Variants in HIVEP3 observed in about 807,000 individuals in gnomAD.
HIVEP3 encodes the protein transcription factor HIVEP3.
A neutral mutation model predicts 152.8 loss-of-function variants in HIVEP3; 49 were observed. The observed-to-expected ratio is 0.32, with a 90% CI of 0.26 to 0.41. The LOEUF (loss-of-function observed/expected upper bound fraction) is 0.41. Ranked by LOEUF, HIVEP3 falls within the 10% of genes least tolerant of loss-of-function variation. The probability of loss-of-function intolerance (pLI) is 1.00; values close to 1 mark genes in which losing one functional copy is unlikely to be tolerated. For missense variants in HIVEP3, 2,790 were observed against 3,103.3 expected, an observed-to-expected ratio of 0.90 and a Z score of 2.40; for synonymous variants, 1,269 against 1,289.0, an observed-to-expected ratio of 0.98 and a Z score of 0.33.
intron 1 of HIVEP3, among the ~76,000 whole-genome samples, chr1:41,850,713 A>G (rs557195322): frequency 6.6e-6 from 1 of 152,332 alleles, no homozygotes; most frequent in Middle Eastern, 3.4e-3. Context: ...TCCAAGTTCA[A>G]CTGTGAGTCC....
chr1:41,561,058 ACTCT>A (rs1417262982), intron 5 of HIVEP3, among the ~76,000 whole-genome samples: 1 of 151,866 alleles, frequency 6.6e-6, no homozygotes, highest in Non-Finnish European at 1.5e-5. Context: ...TTTTCGGTAG[ACTCT>A]CTCTGAGCAG....
chr1:41,519,053 C>T (rs1186745406), intron 6 of HIVEP3, among the ~76,000 whole-genome samples: 2 of 152,028 alleles, frequency 1.3e-5, no homozygotes, highest in Admixed American at 6.5e-5. Context: ...TTAGGCATGG[C>T]GAGAGGGCAG....
intron 1 of HIVEP3, among the ~76,000 whole-genome samples, chr1:41,812,321 C>T (rs1234995296): frequency 6.6e-6 from 1 of 152,120 alleles, no homozygotes; most frequent in African/African-American, 2.4e-5. Flanking sequence ...CCTGTAATTC[C>T]AGCATTTGGG....
chr1:41,575,486 A>G (rs1394774386), intron 5 of HIVEP3, 58 bp downstream of exon 5: 7 of 1,583,406 alleles, frequency 4.4e-6, no homozygotes, highest in Middle Eastern at 1.7e-4. Context: ...GTGAACACCA[A>G]TGGGCACCAG....
chr1:41,977,851 C>T (rs1414000342), intron 1 of HIVEP3, among the ~76,000 whole-genome samples: 1 of 152,238 alleles, frequency 6.6e-6, no homozygotes, highest in East Asian at 1.9e-4. Flanking sequence ...CATGGTAATA[C>T]ACCTCACGTG....
chr1:41,926,906 T>C (rs1399727968), intron 1 of HIVEP3, among the ~76,000 whole-genome samples: 8 of 152,210 alleles, frequency 5.3e-5, no homozygotes, highest in Non-Finnish European at 1.0e-4. Context: ...TAAGGCTCCA[T>C]GGCTAACTCT....
rs111589403 is a variant in HIVEP3, at chr1:41,892,954, T to TAA, written c.-801+25457_-801+25458dup. On this transcript the variant is annotated intron_variant, in intron 1 of 8. Coordinates refer to ENST00000372583, the MANE Select transcript of HIVEP3 (RefSeq NM_024503.5). ...GGGCAACATGGTGAAACCCTATCTC[T>TAA]AAAAAAAAAAATGCAAAAATTAGCT... 4.7e-3 allele frequency among the ~76,000 whole-genome samples: 676 copies of TAA among 144,984 alleles called. 4 individuals are homozygous for TAA. Among genetic ancestry groups the TAA allele is most frequent in the African/African-American group, 0.016 (653 of 40,028 alleles).
chr1:41,786,199 T>C (rs1036008308), intron 1 of HIVEP3, among the ~76,000 whole-genome samples: 1 of 152,092 alleles, frequency 6.6e-6, no homozygotes, highest in Non-Finnish European at 1.5e-5. Flanking sequence ...ATCTAAAAAA[T>C]GGGAACATTA....
At chr1:41,883,476 C>G (rs1644294379) in intron 1 of HIVEP3, among the ~76,000 whole-genome samples, 1 of 152,170 alleles carries the variant, frequency 6.6e-6, no homozygotes, top group Admixed American at 6.5e-5. Flanking sequence ...CACAGGCACT[C>G]TCCTGCGAAA....
At chr1:41,874,525 G>A (rs1000195911) in intron 1 of HIVEP3, among the ~76,000 whole-genome samples, 1 of 152,182 alleles carries the variant, frequency 6.6e-6, no homozygotes, top group African/African-American at 2.4e-5. Context: ...CAGCAGGGCA[G>A]CTGCCAAACG....
chr1:41,822,101 T>C (rs1410943118), intron 1 of HIVEP3, among the ~76,000 whole-genome samples: 1 of 152,214 alleles, frequency 6.6e-6, no homozygotes, highest in Non-Finnish European at 1.5e-5. Flanking sequence ...CCATGTGTTA[T>C]GGCTAGGGCA....
At chr1:41,563,801 G>A (rs1401705629) in intron 5 of HIVEP3, among the ~76,000 whole-genome samples, 3 of 152,118 alleles carry the variant, frequency 2.0e-5, no homozygotes, top group Middle Eastern at 3.4e-3. Flanking sequence ...AAAACACCAA[G>A]TAACATTAAT....
rs1558211375 is a variant in HIVEP3, at chr1:41,722,429, C to CTTCCTTCCTTCCTTCA, written c.-800-21435_-800-21434insTGAAGGAAGGAAGGAA. On this transcript the variant is annotated intron_variant, in intron 1 of 8. Coordinates refer to ENST00000372583, the MANE Select transcript of HIVEP3 (RefSeq NM_024503.5). ...CCTTCCTTCCTTCCTTCCTTCCTTCCTTCCTTCCTTCCTTCCTTCTTTCCT... is the reference window on the plus strand; with the variant it reads ...CCTTCCTTCCTTCCTTCCTTCCTTCCTTCCTTCCTTCCTTCATTCCTTCCTTCCTTCCTTCTTTCCT... 1.2e-3 allele frequency among the ~76,000 whole-genome samples: 173 copies of CTTCCTTCCTTCCTTCA among 147,336 alleles called. 1 individual carries two copies. The highest frequency in any genetic ancestry group is 3.5e-3 in the African/African-American group (136 of 39,278).
chr1:41,643,380 G>A (rs925834394), intron 2 of HIVEP3, among the ~76,000 whole-genome samples: 1 of 152,230 alleles, frequency 6.6e-6, no homozygotes, highest in Non-Finnish European at 1.5e-5. Context: ...GACAGGGAGT[G>A]CCTTCAGGGC....
intron 1 of HIVEP3, among the ~76,000 whole-genome samples, chr1:41,801,039 T>C (rs1242413567): frequency 6.6e-6 from 1 of 152,030 alleles, no homozygotes; most frequent in Non-Finnish European, 1.5e-5. Flanking sequence ...CTAAGTGGAG[T>C]TAAATAAAGT....
intron 1 of HIVEP3, among the ~76,000 whole-genome samples, chr1:42,035,502 G>A (rs570386673): frequency 6.6e-6 from 1 of 152,350 alleles, no homozygotes; most frequent in East Asian, 1.9e-4. Flanking sequence ...GCGGGGACAG[G>A]TGTGGGGCCC....
At chr1:41,681,169 C>T in intron 2 of HIVEP3, among the ~76,000 whole-genome samples, 1 of 151,996 alleles carries the variant, frequency 6.6e-6, no homozygotes. Context: ...TCACAGCTCA[C>T]TGAAACCTCA....
At chr1:41,730,006 G>A (rs181968387) in intron 1 of HIVEP3, among the ~76,000 whole-genome samples, 1 of 152,196 alleles carries the variant, frequency 6.6e-6, no homozygotes, top group African/African-American at 2.4e-5. Flanking sequence ...GCCAAGAGAG[G>A]GAAAGTGAGT....
At chr1:41,701,056 G>T in intron 1 of HIVEP3, 61 bp from the exon 2 acceptor site, 1 of 841,340 alleles carries the variant, frequency 1.2e-6, no homozygotes, top group Non-Finnish European at 1.4e-6. Flanking sequence ...TTTCATCTGA[G>T]TTTGAAAAAG....
Sources: gnomAD v4.1 joint callset for allele counts (sites outside exome capture counted in the v4.1 genomes callset) on GRCh38, gnomAD v4.1.1 for gene constraint, MANE v1.5 for transcripts, NCBI Gene and HGNC (gene_info 2026-07-23, HGNC 2026-07-21) for gene names.